Variants in CDC20B observed in about 807,000 individuals in gnomAD.
CDC20B encodes the protein cell division cycle 20B, also known as cell division cycle protein 20 homolog B.
A neutral mutation model predicts 64.1 loss-of-function variants in CDC20B; 58 were observed. That is an observed-to-expected ratio of 0.90 (90% CI 0.73 to 1.13). The LOEUF is 1.13. CDC20B is among the 50% of genes most tolerant of loss of function. The pLI is 0.00. For missense variants in CDC20B, 597 were observed against 633.0 expected (o/e 0.94, Z 0.61); for synonymous variants, 243 against 230.6 (o/e 1.05, Z -0.49).
chr5:55,133,677 G>A (rs1033927357), intron 5 of CDC20B, 149 bp from the exon 6 acceptor site: 36 of 428,364 alleles, frequency 8.4e-5, no homozygotes, highest in South Asian at 6.0e-4. Context: ...ACAAAGAGCC[G>A]GGGAAGGAAG....
chr5:55,146,953 A>C, intron 2 of CDC20B, 97 bp from the exon 3 acceptor site: 1 of 606,696 alleles, frequency 1.6e-6, no homozygotes, highest in Non-Finnish European at 2.8e-6. Context: ...ATCTAGTACA[A>C]CACCAATAAA....
At chr5:55,153,694 G>C (rs1402362403) in intron 2 of CDC20B, among the ~76,000 whole-genome samples, 2 of 152,144 alleles carry the variant, frequency 1.3e-5, no homozygotes, top group Non-Finnish European at 2.9e-5. Flanking sequence ...CAAAATTGTT[G>C]ATTACTCTAA....
At chr5:55,122,347 G>A (rs1324518702) in intron 9 of CDC20B, among the ~76,000 whole-genome samples, 2 of 151,234 alleles carry the variant, frequency 1.3e-5, no homozygotes, top group Non-Finnish European at 2.9e-5. Context: ...AAGGGTCAAT[G>A]AAGCCTCAAT....
intron 7 of CDC20B, 148 bp downstream of exon 7, chr5:55,128,273 A>G (rs1742942829): frequency 3.6e-6 from 2 of 561,904 alleles, no homozygotes; most frequent in Admixed American, 4.2e-5. Flanking sequence ...AAAAAAAAAA[A>G]AAAAAGCGGA....
chr5:55,146,950 A>G, intron 2 of CDC20B, 94 bp from the exon 3 acceptor site: 8 of 634,014 alleles, frequency 1.3e-5, no homozygotes, highest in Non-Finnish European at 2.1e-5. Context: ...CTCATCTAGT[A>G]CAACACCAAT....
At chr5:55,129,627 C>G (rs1742978795) in intron 6 of CDC20B, among the ~76,000 whole-genome samples, 1 of 152,122 alleles carries the variant, frequency 6.6e-6, no homozygotes, top group Non-Finnish European at 1.5e-5. Flanking sequence ...CAGCCTTACC[C>G]CTAAATCACC....
chr5:55,170,470 C>T, intron 2 of CDC20B: 2 of 513,968 alleles, frequency 3.9e-6, no homozygotes, highest in Admixed American at 4.1e-5. Context: ...TGGCTTGCTT[C>T]ATAGCAGAAA....
At chr5:55,147,780 T>C (rs1743539298) in intron 2 of CDC20B, among the ~76,000 whole-genome samples, 1 of 152,156 alleles carries the variant, frequency 6.6e-6, no homozygotes, top group Non-Finnish European at 1.5e-5. Flanking sequence ...ACATATGATA[T>C]AACACTATGT....
At chr5:55,118,475 G>T (rs1742673749) in intron 11 of CDC20B, among the ~76,000 whole-genome samples, 1 of 152,134 alleles carries the variant, frequency 6.6e-6, no homozygotes, top group African/African-American at 2.4e-5. Flanking sequence ...AATACACCTG[G>T]TAAGTACATT....
chr5:55,122,687 A>C (rs1357708805), intron 9 of CDC20B, among the ~76,000 whole-genome samples: 1 of 152,244 alleles, frequency 6.6e-6, no homozygotes, highest in Non-Finnish European at 1.5e-5. Flanking sequence ...TTGCTCTCTG[A>C]AGCACTGGAC....
At chr5:55,127,659 T>C (rs1309514534) in intron 7 of CDC20B, among the ~76,000 whole-genome samples, 3 of 152,162 alleles carry the variant, frequency 2.0e-5, no homozygotes, top group Non-Finnish European at 4.4e-5. Context: ...TCTAGCTCCT[T>C]CTAAATTGTG....
intron 5 of CDC20B, among the ~76,000 whole-genome samples, chr5:55,135,315 T>A (rs1743133439): frequency 6.6e-6 from 1 of 152,186 alleles, no homozygotes; most frequent in Admixed American, 6.6e-5. Flanking sequence ...AGGTACATTA[T>A]CTCTGGCTTC....
intron 11 of CDC20B, among the ~76,000 whole-genome samples, chr5:55,117,283 T>A (rs897232871): frequency 2.0e-5 from 3 of 152,174 alleles, no homozygotes; most frequent in Non-Finnish European, 4.4e-5. Flanking sequence ...TGACTATGGT[T>A]AACAGGGTAC....
intron 9 of CDC20B, among the ~76,000 whole-genome samples, chr5:55,122,489 A>G (rs1742782409): frequency 6.6e-6 from 1 of 152,106 alleles, no homozygotes; most frequent in African/African-American, 2.4e-5. Flanking sequence ...AGATAGCTAC[A>G]ACACTGTCTT....
chr5:55,166,363 C>A (rs1744385884), intron 2 of CDC20B: 1 of 152,256 alleles, frequency 6.6e-6, no homozygotes, highest in African/African-American at 2.4e-5. Flanking sequence ...CTAATCTTGG[C>A]TGCCTTATTC....
intron 5 of CDC20B, chr5:55,137,524 TA>T: frequency 1.5e-5 from 7 of 456,644 alleles, no homozygotes; most frequent in South Asian, 1.1e-4. Context: ...TAAGTTCCCT[TA>T]AAAGAATCAA....
At chr5:55,128,112 A>C (rs928034162) in intron 7 of CDC20B, among the ~76,000 whole-genome samples, 1 of 152,174 alleles carries the variant, frequency 6.6e-6, no homozygotes, top group African/African-American at 2.4e-5. Context: ...AGGAGAACTG[A>C]AAGTATCTTC....
chr5:55,121,807 G>A (rs73115896), intron 9 of CDC20B, among the ~76,000 whole-genome samples: 6,712 of 152,172 alleles, frequency 0.044, 532 homozygotes, highest in African/African-American at 0.15. Context: ...TTTCTTCTTA[G>A]CAAGAATGAA....
chr5:55,160,854 T>C (rs1369481732), intron 2 of CDC20B: 1 of 871,652 alleles, frequency 1.1e-6, no homozygotes, highest in Non-Finnish European at 1.7e-6. Context: ...TCAATAGAAC[T>C]GTGTATGTCC....
Sources: allele counts gnomAD v4.1 joint callset (sites outside exome capture counted in the v4.1 genomes callset), GRCh38; gene constraint gnomAD v4.1.1; transcripts MANE v1.5; gene names NCBI Gene and HGNC (gene_info 2026-07-23, HGNC 2026-07-21).